Variants in MRE11 observed in about 807,000 individuals in gnomAD.
The protein encoded by MRE11 is MRE11 double strand break repair nuclease.
Under a neutral mutation model 91.7 loss-of-function variants are expected in MRE11, and 62 were observed. That is an observed-to-expected ratio of 0.68 (90% CI 0.55 to 0.84). The LOEUF (loss-of-function observed/expected upper bound fraction) is 0.84. MRE11 is among the 40% of genes least tolerant of loss of function. The pLI, the probability that MRE11 is intolerant of heterozygous loss-of-function variation, is 0.00. For missense variants in MRE11, 796 were observed against 852.9 expected, an observed-to-expected ratio of 0.93 and a Z score of 0.83; for synonymous variants, 273 against 271.4, an observed-to-expected ratio of 1.01 and a Z score of -0.06.
In MRE11 at chr11:94,445,840, A is replaced by C. The variant is rs1179295614; in HGVS notation, c.1837T>G (p.Ser613Ala). 6.2e-7 allele frequency: 1 copy of C among 1,613,648 alleles called. No homozygotes were observed. Among genetic ancestry groups the C allele is most frequent in the Non-Finnish European group, 8.5e-7 (1 of 1,179,558 alleles). ...TRSRNSKTAV[S>A]ASRNMSIIDA... ...ATAATAGACATATTTCTAGATGCTG[A>C]CACAGCAGTCTTTGAGTTCCTGCTA... The change falls in exon 16 of 20, where the codon TCA becomes GCA. Residue 613 changes from serine to alanine, a missense_variant. Ser to Ala is a moderately conservative substitution (Grantham distance 99). Transcript: ENST00000323929.
intron 18 of MRE11, among the ~76,000 whole-genome samples, chr11:94,430,208 G>T (rs1945427623): frequency 6.6e-6 from 1 of 152,162 alleles, no homozygotes; most frequent in Admixed American, 6.5e-5. Context: ...GTGGCTTTGA[G>T]CAAGTTACTT....
chr11:94,461,007 T>C lies in MRE11; in HGVS notation c.1255A>G (p.Thr419Ala), dbSNP rs1186737287. 1.2e-6 allele frequency: 2 copies of C among 1,613,622 alleles called. No homozygotes were observed. The highest frequency in any genetic ancestry group is 1.7e-6 in the Non-Finnish European group (2 of 1,179,904). The change falls in exon 12 of 20, where the codon ACA becomes GCA. Residue 419 changes from threonine to alanine, a missense_variant. Coordinates refer to ENST00000323929, the MANE Select transcript of MRE11 (RefSeq NM_005591.4). ...GEEINFGKLI[T>A]KPSEGTTLRV... ...AAAGTTGTTCCTTCTGAAGGCTTTG[T>C]GATAAGTTTCCCAAAGTTGATCTCT...
chr11:94,507,734 T>G, the MRE11 span, among the ~76,000 whole-genome samples: 1 of 152,348 alleles, frequency 6.6e-6, no homozygotes, highest in East Asian at 1.9e-4. Flanking sequence ...TCCTGGTGAC[T>G]AATGATGTGA....
At chr11:94,474,997 TCA>T (rs898725880) in intron 7 of MRE11, among the ~76,000 whole-genome samples, 47 of 152,212 alleles carry the variant, frequency 3.1e-4, no homozygotes, top group Non-Finnish European at 6.3e-4. Context: ...CCTTTGAAAC[TCA>T]CAGTTTATTC....
rs1041047947 is a variant in MRE11 at position 94,478,977 on chromosome 11, C to G, written c.403-101G>C. ...AAAAGCATACTCCATATTCTACTTA[C>G]AAAAACATAGATGAGGATAGTGTCT... On this transcript the variant is annotated intron_variant, in intron 5 of 19. Coordinates refer to ENST00000323929, the MANE Select transcript of MRE11 (RefSeq NM_005591.4). 3.1e-6 allele frequency: 4 copies of G among 1,304,326 alleles called. No individual in the cohort carries two copies. In the East Asian group the frequency reaches 9.7e-5, roughly 32 times the overall value. The allele number at this position is 1,304,326 out of a possible 1,614,324, so 80.8% of individuals were successfully genotyped here. A position where few individuals can be genotyped will look rare whatever the true frequency, so the allele number is the denominator to read the frequency against.
the MRE11 span, among the ~76,000 whole-genome samples, chr11:94,509,535 C>T: frequency 2.0e-5 from 3 of 151,994 alleles, no homozygotes; most frequent in South Asian, 2.1e-4. Flanking sequence ...CTCTACCTCC[C>T]GGGTTCAAGT....
chr11:94,507,431 A>C, the MRE11 span, among the ~76,000 whole-genome samples: 2 of 152,186 alleles, frequency 1.3e-5, no homozygotes, highest in African/African-American at 4.8e-5. Flanking sequence ...ACGCTGCCAT[A>C]AACATTCTAG....
chr11:94,506,044 G>A, the MRE11 span, among the ~76,000 whole-genome samples: 2 of 152,236 alleles, frequency 1.3e-5, no homozygotes, highest in Non-Finnish European at 2.9e-5. Flanking sequence ...TCTGATATTT[G>A]AACAACGATG....
intron 3 of MRE11, among the ~76,000 whole-genome samples, chr11:94,488,498 C>A (rs1947199427): frequency 6.6e-6 from 1 of 152,134 alleles, no homozygotes; most frequent in South Asian, 2.1e-4. Flanking sequence ...AAAGACACAG[C>A]ACACATATGT....
upstream of MRE11, chr11:94,496,639 G>A (rs555005945): frequency 6.2e-6 from 9 of 1,448,418 alleles, 1 homozygote; most frequent in South Asian, 1.3e-4. Flanking sequence ...TTCATCTCTA[G>A]AAAGATTTAT....
In MRE11 at chr11:94,428,850, C is replaced by T. The variant is rs146533008; in HGVS notation, c.2070+1061G>A. ...TGCACTCCAGCCCAGGCAACAAGAG[C>T]GAAACTCCATGTCAAAAAAAAAAGA... On this transcript the variant is annotated intron_variant, in intron 19 of 19. Transcript: ENST00000323929. 5.5e-3 allele frequency among the ~76,000 whole-genome samples: 831 copies of T among 150,812 alleles called. 14 individuals are homozygous for T. The highest frequency in any genetic ancestry group is 0.019 in the African/African-American group (792 of 40,994).
chr11:94,431,332 T>C (rs1342561970), intron 18 of MRE11, among the ~76,000 whole-genome samples: 1 of 152,164 alleles, frequency 6.6e-6, no homozygotes, highest in East Asian at 1.9e-4. Context: ...GTGGCAGAGC[T>C]TAAATAGTTT....
At chr11:94,444,156 G>A (rs2005495) in intron 16 of MRE11, among the ~76,000 whole-genome samples, 4,895 of 151,968 alleles carry the variant, frequency 0.032, 177 homozygotes, top group African/African-American at 0.086. Flanking sequence ...CAATCCGCCC[G>A]CCTCAGCCTC....
At chr11:94,452,586 G>C (rs1033213950) in intron 14 of MRE11, among the ~76,000 whole-genome samples, 1 of 152,040 alleles carries the variant, frequency 6.6e-6, no homozygotes, top group Non-Finnish European at 1.5e-5. Context: ...TCTAAACTTT[G>C]TATTTTCCCT....
chr11:94,452,896 T>C (rs781697392), intron 14 of MRE11, among the ~76,000 whole-genome samples: 10 of 152,152 alleles, frequency 6.6e-5, no homozygotes, highest in Non-Finnish European at 8.8e-5. Context: ...ATTATGTACA[T>C]TCACATGGTT....
intron 16 of MRE11, among the ~76,000 whole-genome samples, chr11:94,445,543 C>T (rs1461913348): frequency 3.3e-5 from 5 of 152,150 alleles, no homozygotes; most frequent in African/African-American, 7.2e-5. Context: ...CTCCTGACCT[C>T]GTGATCTGCC....
chr11:94,444,625 T>TA (rs1294713885), intron 16 of MRE11, among the ~76,000 whole-genome samples: 1 of 152,190 alleles, frequency 6.6e-6, no homozygotes, highest in Non-Finnish European at 1.5e-5. Flanking sequence ...TATGCCTGCA[T>TA]AACTCTTACT....
intron 19 of MRE11, among the ~76,000 whole-genome samples, chr11:94,426,264 A>C (rs1945310480): frequency 6.6e-6 from 1 of 152,150 alleles, no homozygotes; most frequent in African/African-American, 2.4e-5. Context: ...AAATAAAAAA[A>C]TTCTTTGAAA....
chr11:94,489,720 G>A (rs1254420551), intron 3 of MRE11, among the ~76,000 whole-genome samples: 4 of 152,176 alleles, frequency 2.6e-5, no homozygotes, highest in African/African-American at 2.4e-5. Context: ...TAATTTGCAA[G>A]TCAATTTTTA....
Sources: gnomAD v4.1 joint callset for allele counts (sites outside exome capture counted in the v4.1 genomes callset) on GRCh38, gnomAD v4.1.1 for gene constraint, MANE v1.5 for transcripts, NCBI Gene and HGNC (gene_info 2026-07-23, HGNC 2026-07-21) for gene names.